NEDD4L: variants seen among roughly 807,000 people sequenced by gnomAD.
NEDD4L encodes the protein NEDD4 like E3 ubiquitin protein ligase.
A neutral mutation model predicts 148.9 loss-of-function variants in NEDD4L; 54 were observed. That is an observed-to-expected ratio of 0.36 (90% CI 0.29 to 0.45). The LOEUF is 0.45. Among genes scored for constraint, NEDD4L ranks in the 20% least tolerant of loss-of-function variants. The probability of loss-of-function intolerance (pLI) is 1.00; values close to 1 mark genes in which losing one functional copy is unlikely to be tolerated. For synonymous variants in NEDD4L, 433 were observed against 440.7 expected (o/e 0.98, Z 0.22); for missense variants, 856 against 1,233.8 (o/e 0.69, Z 4.59).
intron 2 of NEDD4L, among the ~76,000 whole-genome samples, chr18:58,242,293 T>A (rs1002880970): frequency 6.6e-6 from 1 of 152,138 alleles, no homozygotes; most frequent in Non-Finnish European, 1.5e-5. Flanking sequence ...GCATTTGTAT[T>A]GTATGTTTGG....
At chr18:58,269,417 T>C (rs2148791440) in intron 5 of NEDD4L, among the ~76,000 whole-genome samples, 1 of 152,190 alleles carries the variant, frequency 6.6e-6, no homozygotes, top group South Asian at 2.1e-4. Context: ...GATTAGGTAT[T>C]ACCCTTGTGC....
intron 5 of NEDD4L, among the ~76,000 whole-genome samples, chr18:58,260,635 A>G (rs1326062772): frequency 2.0e-5 from 3 of 152,254 alleles, no homozygotes; most frequent in Non-Finnish European, 4.4e-5. Flanking sequence ...AGTGTATACT[A>G]TGATACCACT....
chr18:58,205,326 G>A (rs292441), intron 2 of NEDD4L, among the ~76,000 whole-genome samples: 107,802 of 151,828 alleles, frequency 0.71, 38,889 homozygotes, highest in African/African-American at 0.85. Context: ...AAATGTCCAA[G>A]AGAATAACAA....
At chr18:58,147,585 T>C (rs544650710) in intron 1 of NEDD4L, among the ~76,000 whole-genome samples, 1 of 152,348 alleles carries the variant, frequency 6.6e-6, no homozygotes, top group African/African-American at 2.4e-5. Flanking sequence ...CTGCTCTAAA[T>C]GTGCTCAGTT....
intron 2 of NEDD4L, among the ~76,000 whole-genome samples, chr18:58,188,678 G>A (rs973842515): frequency 6.6e-6 from 1 of 152,248 alleles, no homozygotes; most frequent in Non-Finnish European, 1.5e-5. Context: ...CACATTGGTG[G>A]CCAGGGCTTT....
chr18:58,221,448 A>T, intron 2 of NEDD4L: 2 of 562,356 alleles, frequency 3.6e-6, no homozygotes, highest in Non-Finnish European at 4.5e-6. Flanking sequence ...GGGTGGAGCT[A>T]CTTAACCTTA....
chr18:58,077,018 T>C (rs191575205), intron 1 of NEDD4L, among the ~76,000 whole-genome samples: 122 of 151,912 alleles, frequency 8.0e-4, no homozygotes, highest in African/African-American at 2.8e-3. Context: ...ACCCGGCTAA[T>C]TTTTTGTATT....
chr18:58,229,731 C>A (rs1166136093), intron 2 of NEDD4L, among the ~76,000 whole-genome samples: 7 of 152,074 alleles, frequency 4.6e-5, no homozygotes, highest in Middle Eastern at 3.2e-3. Context: ...GTGGCTCATG[C>A]CTGTAAGCCC....
At position 58,401,310 on chromosome 18, in the gene NEDD4L, C is replaced by T. The variant is rs1443176809; in HGVS notation, c.*5041C>T. The T allele has an allele frequency of 1.3e-5, 2 of 152,166 alleles. No individual in the cohort carries two copies. The highest frequency in any genetic ancestry group is 2.9e-5 in the Non-Finnish European group (2 of 68,026). The allele number at this position is 152,166 out of a possible 1,614,324, so 9.4% of individuals were successfully genotyped here. A position where few individuals can be genotyped will look rare whatever the true frequency, so the allele number is the denominator to read the frequency against. ...TTTAAGGCAACTTATGAATAATGCT[C>T]ATTTTCACAGTCAGAATAGCTTTAA... is the stretch of plus-strand genomic sequence containing the variant. On this transcript the variant is annotated 3_prime_UTR_variant, in exon 31 of 31. Transcript: ENST00000400345.
intron 5 of NEDD4L, among the ~76,000 whole-genome samples, chr18:58,291,517 G>A (rs936744734): frequency 3.3e-5 from 5 of 152,162 alleles, no homozygotes; most frequent in African/African-American, 4.8e-5. Flanking sequence ...CTAATTCTGT[G>A]TCAGTTGGCT....
chr18:58,072,249 C>G (rs1202507741), intron 1 of NEDD4L, among the ~76,000 whole-genome samples: 3 of 151,962 alleles, frequency 2.0e-5, no homozygotes, highest in African/African-American at 7.3e-5. Context: ...AACCTGATAC[C>G]AAACTAAAGA....
chr18:58,251,085 G>C (rs529730541), intron 4 of NEDD4L, among the ~76,000 whole-genome samples: 9 of 152,242 alleles, frequency 5.9e-5, no homozygotes, highest in African/African-American at 1.7e-4. Context: ...CATTAGCTGT[G>C]GGCTCTTGGG....
intron 5 of NEDD4L, among the ~76,000 whole-genome samples, chr18:58,299,421 A>G (rs1279021714): frequency 1.3e-5 from 2 of 152,264 alleles, no homozygotes; most frequent in African/African-American, 4.8e-5. Context: ...CTTGGCTGCT[A>G]GACAACAACG....
At chr18:58,071,874 C>T (rs1568174063) in intron 1 of NEDD4L, among the ~76,000 whole-genome samples, 1 of 152,266 alleles carries the variant, frequency 6.6e-6, no homozygotes, top group Non-Finnish European at 1.5e-5. Context: ...TTATTCAGTA[C>T]CATGAGAACA....
Position 58,216,498 on chromosome 18 carries a change from A to T in NEDD4L, c.123-28929A>T, listed in dbSNP as rs549599591. ...GCCTGAGTGAGAGAGGATGGTTTAA[A>T]CACCAAAATGGTAACATTCAGAATG... On this transcript the variant is annotated intron_variant, in intron 2 of 30. Coordinates refer to ENST00000400345, the MANE Select transcript of NEDD4L (RefSeq NM_001144967.3). 1.8e-4 allele frequency among the ~76,000 whole-genome samples: 28 copies of T among 152,262 alleles called. 2 individuals are homozygous for T. The South Asian group carries it at 5.4e-3, about 29-fold the overall frequency.
At chr18:58,141,508 C>CT (rs1270382525) in intron 1 of NEDD4L, among the ~76,000 whole-genome samples, 2 of 151,792 alleles carry the variant, frequency 1.3e-5, no homozygotes, top group African/African-American at 4.8e-5. Flanking sequence ...TTTAAAAAAA[C>CT]TTTATGTGTT....
chr18:58,357,552 C>A, intron 19 of NEDD4L: 1 of 558,852 alleles, frequency 1.8e-6, no homozygotes, highest in South Asian at 1.6e-5. Context: ...TCCCTCCCTT[C>A]CTTTTTATAT....
intron 5 of NEDD4L, among the ~76,000 whole-genome samples, chr18:58,255,086 CGT>C (rs2048351793): frequency 6.6e-6 from 1 of 152,098 alleles, no homozygotes; most frequent in Non-Finnish European, 1.5e-5. Context: ...GGGAAAATAC[CGT>C]GTGTGCTGTT....
At chr18:58,314,339 C>T (rs1280690727) in intron 5 of NEDD4L, among the ~76,000 whole-genome samples, 1 of 151,658 alleles carries the variant, frequency 6.6e-6, no homozygotes. Flanking sequence ...ATCGCTTTAA[C>T]CCAGGAGGCG....
Sources: gnomAD v4.1 joint callset for allele counts (sites outside exome capture counted in the v4.1 genomes callset) on GRCh38, gnomAD v4.1.1 for gene constraint, MANE v1.5 for transcripts, NCBI Gene and HGNC (gene_info 2026-07-23, HGNC 2026-07-21) for gene names.